COL18A1: variants seen among roughly 807,000 people sequenced by gnomAD.
COL18A1 encodes the protein collagen alpha-1(XVIII) chain.
Under a neutral mutation model 168.0 loss-of-function variants are expected in COL18A1, and 133 were observed. The ratio of observed to expected loss-of-function variants is 0.79; its 90% CI spans 0.69 to 0.91. The LOEUF (loss-of-function observed/expected upper bound fraction) is 0.91, where lower values mean the gene tolerates loss of function less well. COL18A1 is among the 40% of genes least tolerant of loss of function. COL18A1 has a pLI of 0.00. For synonymous variants in COL18A1, 949 were observed against 809.0 expected, an observed-to-expected ratio of 1.17 and a Z score of -2.94; for missense variants, 2,126 against 1,925.4, an observed-to-expected ratio of 1.10 and a Z score of -1.95.
rs1177555509 is a variant in COL18A1, at chr21:45,423,030, T to C, written c.106+17557T>C. Among the ~76,000 whole-genome samples, 1 of 152,142 alleles carries C rather than the reference T, an allele frequency of 6.6e-6. No homozygotes were observed. The highest frequency in any genetic ancestry group is 1.9e-4 in the East Asian group (1 of 5,186). ...GGTTTCTCCATGTTGGTCAGGCTGG[T>C]CTCTAACTCCCGACCTCAGGTGATC... On this transcript the variant is annotated intron_variant, in intron 2 of 41. Coordinates refer to ENST00000651438, the MANE Select transcript of COL18A1 (RefSeq NM_001379500.1). This position sits in a 1 kb window ranked among gnomAD's most constrained non-coding sequence, Gnocchi z 4.0.
rs763393956 is a variant in COL18A1 at position 45,477,398 on chromosome 21, C to T, written c.929-13C>T. ...GGGGGCGTGACCGTGGCCACCTCTG[C>T]TTCTCTTCCCAGCTCAGACACTTCC... On this transcript the variant is annotated splice_polypyrimidine_tract_variant and intron_variant, in intron 6 of 41. Coordinates refer to ENST00000651438, the MANE Select transcript of COL18A1 (RefSeq NM_001379500.1). 3 of 1,609,960 alleles carry T rather than the reference C, an allele frequency of 1.9e-6. No individual in the cohort carries two copies. Among genetic ancestry groups the T allele is most frequent in the South Asian group, 2.2e-5 (2 of 90,256 alleles).
At chr21:45,455,381 C>T in intron 2 of COL18A1, 1 of 1,133,360 alleles carries the variant, frequency 8.8e-7, no homozygotes, top group South Asian at 1.4e-5. Context: ...CTGGTGCCTT[C>T]TTTCCTTCTG....
chr21:45,478,281 C>A (rs745677311), intron 8 of COL18A1, 46 bp from the exon 9 acceptor site: 1 of 1,613,380 alleles, frequency 6.2e-7, no homozygotes, highest in East Asian at 2.2e-5. Flanking sequence ...TAGGTGGCGC[C>A]GGAGGAGTCA....
chr21:45,430,424 C>T lies in COL18A1; in HGVS notation c.106+24951C>T, dbSNP rs559143609. ...CTACGACTGACATGGCAGGAGGGGCCTGCCTGCCACCCGGGTCCTCTGCTG... is the reference window on the plus strand; with the variant it reads ...CTACGACTGACATGGCAGGAGGGGCTTGCCTGCCACCCGGGTCCTCTGCTG... On this transcript the variant is annotated intron_variant, in intron 2 of 41. Transcript: ENST00000651438. 2.7e-3 allele frequency among the ~76,000 whole-genome samples: 412 copies of T among 152,248 alleles called. 2 individuals are homozygous for T. Among genetic ancestry groups the T allele is most frequent in the Non-Finnish European group, 3.7e-3 (250 of 68,016 alleles).
intron 32 of COL18A1, among the ~76,000 whole-genome samples, chr21:45,501,910 G>C (rs1477598418): frequency 1.8e-5 from 2 of 108,474 alleles, no homozygotes; most frequent in African/African-American, 7.9e-5. Flanking sequence ...ACCCCCAGGG[G>C]CTCCACAGCC....
At chr21:45,505,622 C>T (rs932914224) in intron 36 of COL18A1, among the ~76,000 whole-genome samples, 191 bp downstream of exon 36, 13 of 152,148 alleles carry the variant, frequency 8.5e-5, no homozygotes, top group African/African-American at 2.4e-4. Context: ...GACCACCAGC[C>T]GGGAAGTGCC....
At chr21:45,449,876 GA>G (rs1213630419) in intron 2 of COL18A1, among the ~76,000 whole-genome samples, 2 of 152,322 alleles carry the variant, frequency 1.3e-5, no homozygotes, top group East Asian at 1.9e-4. Flanking sequence ...GGGCACTCTG[GA>G]AGTGCCATGA....
chr21:45,458,533 GC>G (rs2034926919), intron 2 of COL18A1, among the ~76,000 whole-genome samples: 1 of 152,128 alleles, frequency 6.6e-6, no homozygotes. Context: ...ACACCCAAAT[GC>G]CCAGCAAGCA....
intron 41 of COL18A1, 57 bp downstream of exon 41, chr21:45,511,283 G>A (rs368256387): frequency 1.6e-4 from 152 of 946,368 alleles, no homozygotes; most frequent in African/African-American, 7.5e-4. Flanking sequence ...GAAGGCGGGC[G>A]GGCGGGCTCC....
chr21:45,449,843 G>A (rs561088641), intron 2 of COL18A1, among the ~76,000 whole-genome samples: 5 of 150,186 alleles, frequency 3.3e-5, no homozygotes, highest in East Asian at 4.0e-4. Context: ...GAGAGGTCCC[G>A]GCCAAGCAGC....
In COL18A1 at chr21:45,509,411, C is replaced by G; in HGVS notation, c.3305C>G (p.Pro1102Arg). The G allele has an allele frequency of 6.5e-7, 1 of 1,541,668 alleles. No individual in the cohort carries two copies. The highest frequency in any genetic ancestry group is 1.2e-5 in the South Asian group (1 of 84,252). The change falls in exon 39 of 42, where the codon CCC becomes CGC. Residue 1102 changes from proline (P) to arginine (R), a missense_variant. Transcript: ENST00000651438. Reference protein sequence around the residue: ...PPVVQLHDSNPYPRREHPHPT... With the variant: ...PPVVQLHDSNRYPRREHPHPT... The stretch of plus-strand genomic sequence containing the variant: ...GTGGTGCAGCTGCACGACAGCAACC[C>G]CTACCCGCGGCGGGAGCACCCCCAC...
intron 17 of COL18A1, 51 bp from the exon 18 acceptor site, chr21:45,488,367 C>T: frequency 1.9e-6 from 3 of 1,613,082 alleles, no homozygotes; most frequent in Non-Finnish European, 2.5e-6. Flanking sequence ...AGACGCATCT[C>T]ACAGCAGGGC....
chr21:45,471,339 G>T lies in COL18A1; in HGVS notation c.651+2553G>T, dbSNP rs1417410017. Among the ~76,000 whole-genome samples, 1 of 152,220 alleles carries T rather than the reference G, an allele frequency of 6.6e-6. No individual in the cohort carries two copies. Among genetic ancestry groups the T allele is most frequent in the African/African-American group, 2.4e-5 (1 of 41,454 alleles). Reference sequence around the variant, plus strand: ...TGCTTGTGTGGTAGAAAAGAAGACAGACTTGTTCAGCACAAGATTTTCTCA... The same window carrying T: ...TGCTTGTGTGGTAGAAAAGAAGACATACTTGTTCAGCACAAGATTTTCTCA... On this transcript the variant is annotated intron_variant, in intron 3 of 41. Coordinates refer to ENST00000651438, the MANE Select transcript of COL18A1 (RefSeq NM_001379500.1). This position sits in a 1 kb window ranked among gnomAD's most constrained non-coding sequence, Gnocchi z 4.4.
intron 2 of COL18A1, among the ~76,000 whole-genome samples, chr21:45,417,963 A>C (rs4819104): frequency 0.72 from 109,123 of 152,234 alleles, 39,262 homozygotes; most frequent in East Asian, 0.86. Flanking sequence ...CTCCCCAGAC[A>C]CGTCTTTCCT....
At chr21:45,504,823 C>T (rs977545910) in intron 34 of COL18A1, among the ~76,000 whole-genome samples, 1 of 152,136 alleles carries the variant, frequency 6.6e-6, no homozygotes, top group African/African-American at 2.4e-5. Flanking sequence ...TGCTCCTGGG[C>T]CGGGTCAGGT....
In COL18A1 at chr21:45,509,455, C is replaced by A. The variant is rs556925757; in HGVS notation, c.3349C>A (p.Arg1117=). 41 of 1,533,398 alleles carry A rather than the reference C, an allele frequency of 2.7e-5. No individual in the cohort carries two copies. The African/African-American group carries it at 4.9e-4, about 18-fold the overall frequency. 95.0% of individuals were successfully genotyped at this position (1,533,398 alleles called of 1,614,324 possible). A position where few individuals can be genotyped will look rare whatever the true frequency, so the allele number is the denominator to read the frequency against. The change falls in exon 39 of 42, where the codon CGG becomes AGG. Residue 1117 remains arginine (R), a synonymous_variant. Transcript: ENST00000651438. Reference sequence around the variant, plus strand: ...CCCCCACCCCACCGCGCGGCCCTGGCGGGCAGATGACATCCTGGCCAGCCC... The same window carrying A: ...CCCCCACCCCACCGCGCGGCCCTGGAGGGCAGATGACATCCTGGCCAGCCC... ...EHPHPTARPW[R]ADDILASPPR...
At chr21:45,477,986 G>T (rs757597238) in intron 8 of COL18A1, 21 bp downstream of exon 8, 1 of 1,294,262 alleles carries the variant, frequency 7.7e-7, no homozygotes, top group South Asian at 1.3e-5. Flanking sequence ...ACGTCCCCCC[G>T]AGTCCGGCCC....
At chr21:45,438,018 T>A (rs1198140683) in intron 2 of COL18A1, among the ~76,000 whole-genome samples, 90 of 24,416 alleles carry the variant, frequency 3.7e-3, no homozygotes, top group African/African-American at 6.0e-3. Flanking sequence ...ACACACACAC[T>A]CACTCACACA....
chr21:45,466,207 C>G (rs2035203996), intron 2 of COL18A1, among the ~76,000 whole-genome samples: 2 of 152,198 alleles, frequency 1.3e-5, no homozygotes, highest in South Asian at 4.1e-4. Context: ...ACGTTCCACA[C>G]TGGTGTGAGA....
Sources: gnomAD v4.1 joint callset for allele counts (sites outside exome capture counted in the v4.1 genomes callset) on GRCh38, gnomAD v4.1.1 for gene constraint, Gnocchi (gnomAD v3.1) non-coding constraint, MANE v1.5 for transcripts, NCBI Gene and HGNC (gene_info 2026-07-23, HGNC 2026-07-21) for gene names.